LRFN5: variants seen among roughly 807,000 people sequenced by gnomAD.
The protein encoded by LRFN5 is leucine rich repeat and fibronectin type III domain containing 5, also known as leucine-rich repeat and fibronectin type-III domain-containing protein 5.
A neutral mutation model predicts 45.6 loss-of-function variants in LRFN5; 24 were observed. That is an observed-to-expected ratio of 0.53 (90% CI 0.38 to 0.74). The LOEUF is 0.74. Among genes scored for constraint, LRFN5 ranks in the 30% least tolerant of loss-of-function variants. The probability of loss-of-function intolerance (pLI) is 0.00; values close to 1 mark genes in which losing one functional copy is unlikely to be tolerated. For missense variants in LRFN5, 776 were observed against 861.5 expected, an observed-to-expected ratio of 0.90 and a Z score of 1.24; for synonymous variants, 340 against 313.8, an observed-to-expected ratio of 1.08 and a Z score of -0.88.
chr14:41,723,901 A>G (rs1291584405), intron 1 of LRFN5, among the ~76,000 whole-genome samples: 1 of 152,128 alleles, frequency 6.6e-6, no homozygotes, highest in Non-Finnish European at 1.5e-5. Context: ...ATTAAAAATT[A>G]TGTCCTGTTC....
At chr14:41,827,324 C>A (rs904346292) in intron 2 of LRFN5, among the ~76,000 whole-genome samples, 1 of 151,898 alleles carries the variant, frequency 6.6e-6, no homozygotes, top group Non-Finnish European at 1.5e-5. Context: ...TTAAAAAGAT[C>A]TGTACATTTA....
chr14:41,720,390 A>G (rs1883667468), intron 1 of LRFN5, among the ~76,000 whole-genome samples: 1 of 152,100 alleles, frequency 6.6e-6, no homozygotes, highest in Non-Finnish European at 1.5e-5. Context: ...TAGAACAGCA[A>G]TGAACATAAG....
At chr14:41,859,806 T>C (rs1889598914) in intron 2 of LRFN5, among the ~76,000 whole-genome samples, 1 of 152,210 alleles carries the variant, frequency 6.6e-6, no homozygotes, top group African/African-American at 2.4e-5. Context: ...AAAATTAATG[T>C]TATACCTTAA....
chr14:41,780,349 C>A (rs1032758016), intron 2 of LRFN5, among the ~76,000 whole-genome samples: 2 of 151,598 alleles, frequency 1.3e-5, no homozygotes, highest in African/African-American at 4.8e-5. Flanking sequence ...TGCCTCACAT[C>A]TTTTAATGCA....
intron 1 of LRFN5, among the ~76,000 whole-genome samples, chr14:41,746,645 T>G (rs1884932487): frequency 6.6e-6 from 1 of 151,920 alleles, no homozygotes; most frequent in African/African-American, 2.4e-5. Context: ...TCACCTACTG[T>G]GTACTCACAA....
chr14:41,619,097 A>G (rs963555112), intron 1 of LRFN5, among the ~76,000 whole-genome samples: 15 of 151,988 alleles, frequency 9.9e-5, no homozygotes, highest in African/African-American at 3.6e-4. Flanking sequence ...TTTTCCTCCA[A>G]GTGGTATTTG....
intron 1 of LRFN5, among the ~76,000 whole-genome samples, chr14:41,720,724 A>G (rs1018859907): frequency 1.3e-5 from 2 of 151,984 alleles, no homozygotes; most frequent in Non-Finnish European, 2.9e-5. Context: ...ATATATTTTT[A>G]TTCCACTATG....
intron 1 of LRFN5, among the ~76,000 whole-genome samples, chr14:41,634,487 A>G (rs909258191): frequency 2.0e-5 from 3 of 152,178 alleles, no homozygotes; most frequent in Non-Finnish European, 4.4e-5. Flanking sequence ...TTGGCTAGAC[A>G]CGAGATCTTC....
chr14:41,700,077 A>G (rs773503173), intron 1 of LRFN5: 5 of 152,054 alleles, frequency 3.3e-5, no homozygotes, highest in Non-Finnish European at 7.4e-5. Flanking sequence ...TACTAGAAAC[A>G]TGAATTTGTG....
At chr14:41,834,187 C>A (rs1221295338) in intron 2 of LRFN5, among the ~76,000 whole-genome samples, 2 of 152,142 alleles carry the variant, frequency 1.3e-5, no homozygotes, top group Non-Finnish European at 2.9e-5. Flanking sequence ...ATTTTGCATT[C>A]AGGGAACCTC....
chr14:41,626,598 T>C (rs187381550), intron 1 of LRFN5, among the ~76,000 whole-genome samples: 2 of 152,226 alleles, frequency 1.3e-5, no homozygotes, highest in Non-Finnish European at 2.9e-5. Flanking sequence ...GCTCTATTTA[T>C]GTTCATAGTG....
chr14:41,614,137 A>T (rs549719652), intron 1 of LRFN5, among the ~76,000 whole-genome samples: 14 of 152,008 alleles, frequency 9.2e-5, no homozygotes, highest in African/African-American at 3.4e-4. Flanking sequence ...TGGTGTGAAG[A>T]TTTGTCAAGT....
intron 2 of LRFN5, among the ~76,000 whole-genome samples, chr14:41,785,218 T>G (rs945827043): frequency 6.6e-6 from 1 of 152,130 alleles, no homozygotes; most frequent in Non-Finnish European, 1.5e-5. Flanking sequence ...TGCTTGATAA[T>G]TTCTGCCTTT....
At chr14:41,732,342 C>T (rs574913834) in intron 1 of LRFN5, among the ~76,000 whole-genome samples, 2 of 152,278 alleles carry the variant, frequency 1.3e-5, no homozygotes, top group South Asian at 2.1e-4. Flanking sequence ...CTGCTTCTGG[C>T]TGAGGTGACT....
intron 1 of LRFN5, among the ~76,000 whole-genome samples, chr14:41,610,304 G>A (rs769136949): frequency 6.6e-6 from 1 of 152,128 alleles, no homozygotes; most frequent in Non-Finnish European, 1.5e-5. Flanking sequence ...TGGAAGGAAA[G>A]CTGGCTACAA....
intron 2 of LRFN5, among the ~76,000 whole-genome samples, chr14:41,791,872 T>C (rs1224907646): frequency 6.6e-6 from 1 of 152,124 alleles, no homozygotes; most frequent in Non-Finnish European, 1.5e-5. Context: ...TAAGAAGTAA[T>C]TACTGTGGAG....
intron 2 of LRFN5, among the ~76,000 whole-genome samples, chr14:41,819,239 A>T (rs1429294494): frequency 2.0e-5 from 3 of 152,130 alleles, no homozygotes; most frequent in Non-Finnish European, 1.5e-5. Context: ...CCTTGGGTAG[A>T]TATCCAGTAG....
chr14:41,612,786 G>A (rs572092367), intron 1 of LRFN5, among the ~76,000 whole-genome samples: 2 of 152,172 alleles, frequency 1.3e-5, no homozygotes, highest in African/African-American at 4.8e-5. Flanking sequence ...ATTCCAGTTA[G>A]AGGTGAACCA....
chr14:41,782,987 T>TC, intron 2 of LRFN5, among the ~76,000 whole-genome samples: 1 of 151,068 alleles, frequency 6.6e-6, no homozygotes, highest in African/African-American at 2.4e-5. Flanking sequence ...TTTTTTTTTT[T>TC]TTTCTATTAG....
Sources: allele counts gnomAD v4.1 joint callset (sites outside exome capture counted in the v4.1 genomes callset), GRCh38; gene constraint gnomAD v4.1.1; transcripts MANE v1.5; gene names NCBI Gene and HGNC (gene_info 2026-07-23, HGNC 2026-07-21).